Variants in GLP2R observed in about 807,000 individuals in gnomAD.
GLP2R encodes the protein glucagon like peptide 2 receptor, also known as glucagon-like peptide 2 receptor.
In GLP2R, 59 loss-of-function variants were observed where a neutral mutation model predicts 68.2. The observed-to-expected ratio is 0.87, with a 90% CI of 0.70 to 1.07. GLP2R has a LOEUF of 1.07. Among genes scored for constraint, GLP2R ranks in the 50% least tolerant of loss-of-function variants. The pLI is 0.00. For synonymous variants in GLP2R, 270 were observed against 265.4 expected (o/e 1.02, Z -0.17); for missense variants, 548 against 677.4 (o/e 0.81, Z 2.12).
At chr17:9,870,002 T>C (rs552890960) in intron 9 of GLP2R, among the ~76,000 whole-genome samples, 1 of 152,316 alleles carries the variant, frequency 6.6e-6, no homozygotes, top group South Asian at 2.1e-4. Flanking sequence ...AGTCGTGGAA[T>C]GTATTCTAGG....
Position 9,846,936 on chromosome 17 carries a change from C to T in GLP2R, c.504+4320C>T, listed in dbSNP as rs58551965. 6.9e-3 allele frequency among the ~76,000 whole-genome samples: 1,057 copies of T among 152,298 alleles called. 5 individuals carry two copies. The highest frequency in any genetic ancestry group is 0.024 in the African/African-American group (994 of 41,562). On this transcript the variant is annotated intron_variant, in intron 4 of 12. Coordinates refer to ENST00000262441, the MANE Select transcript of GLP2R (RefSeq NM_004246.3). ...ACCAAGATTTGTTTGTTCTGGTTGTCAATACCAGTGGTGTAGGTGTGTTAG... is the reference window on the plus strand; with the variant it reads ...ACCAAGATTTGTTTGTTCTGGTTGTTAATACCAGTGGTGTAGGTGTGTTAG...
At chr17:9,873,582 C>CTTTTTTTTTTTTTTTTTTTTT (rs2067117102) in intron 10 of GLP2R, among the ~76,000 whole-genome samples, 1 of 25,606 alleles carries the variant, frequency 3.9e-5, no homozygotes, top group Non-Finnish European at 6.3e-5. Context: ...TTTTTTTTAG[C>CTTTTTTTTTTTTTTTTTTTTT]TCATCAGCTA....
At chr17:9,847,811 C>T (rs2066855146) in intron 4 of GLP2R, among the ~76,000 whole-genome samples, 1 of 152,188 alleles carries the variant, frequency 6.6e-6, no homozygotes, top group African/African-American at 2.4e-5. Flanking sequence ...TCTGTTCCTT[C>T]AGAGCCTCGT....
At chr17:9,856,737 C>A (rs2066936762) in intron 5 of GLP2R, among the ~76,000 whole-genome samples, 1 of 152,206 alleles carries the variant, frequency 6.6e-6, no homozygotes. Context: ...AACTCTGCGA[C>A]TTACTGCTCT....
At chr17:9,864,193 A>G (rs546428625) in intron 9 of GLP2R, among the ~76,000 whole-genome samples, 1 of 152,188 alleles carries the variant, frequency 6.6e-6, no homozygotes, top group Non-Finnish European at 1.5e-5. Flanking sequence ...GCATGTTGCT[A>G]CAACCTTGCT....
intron 5 of GLP2R, among the ~76,000 whole-genome samples, chr17:9,857,113 G>A (rs1234421033): frequency 2.0e-5 from 3 of 152,060 alleles, no homozygotes; most frequent in Non-Finnish European, 2.9e-5. Context: ...GTAGAGGTGG[G>A]GTTTCACCAT....
At chr17:9,851,545 T>C (rs2152036909) in intron 4 of GLP2R, among the ~76,000 whole-genome samples, 1 of 152,070 alleles carries the variant, frequency 6.6e-6, no homozygotes, top group East Asian at 1.9e-4. Context: ...ACAAGCACAG[T>C]TGGAGACTGA....
chr17:9,853,308 T>C, intron 4 of GLP2R: 1 of 248,372 alleles, frequency 4.0e-6, no homozygotes, highest in Non-Finnish European at 8.0e-6. Flanking sequence ...GAGTCCTCCA[T>C]GGGGTGGTGG....
At chr17:9,852,940 T>C in intron 4 of GLP2R, 1 of 492,846 alleles carries the variant, frequency 2.0e-6, no homozygotes, top group Non-Finnish European at 3.9e-6. Flanking sequence ...CTCCTCTTCA[T>C]CTTCTGACTC....
At chr17:9,855,657 T>C (rs2066928152) in intron 5 of GLP2R, among the ~76,000 whole-genome samples, 1 of 152,228 alleles carries the variant, frequency 6.6e-6, no homozygotes, top group Non-Finnish European at 1.5e-5. Context: ...CATCCCTAAT[T>C]CAAATTAGGA....
At chr17:9,842,458 G>T (rs749430872) in intron 3 of GLP2R, 37 bp from the exon 4 acceptor site, 6 of 1,613,312 alleles carry the variant, frequency 3.7e-6, no homozygotes, top group Non-Finnish European at 5.1e-6. Flanking sequence ...CGGGCTGTGT[G>T]TTCTGACCTT....
Position 9,887,990 on chromosome 17 carries a change from GC to G in GLP2R, c.1326+19del. 6.3e-7 allele frequency: 1 copy of G among 1,595,684 alleles called. No homozygotes were observed. The highest frequency in any genetic ancestry group is 8.6e-7 in the Non-Finnish European group (1 of 1,163,084). On this transcript the variant is annotated intron_variant, in intron 12 of 12. Transcript: ENST00000262441. ...AATGGAGAGGTATGATTTCCACGTT[GC>G]CATCCTGGTTTCATGTGAGGTTGGG...
At chr17:9,859,335 T>C (rs2066962968) in intron 6 of GLP2R, among the ~76,000 whole-genome samples, 1 of 152,150 alleles carries the variant, frequency 6.6e-6, no homozygotes, top group African/African-American at 2.4e-5. Flanking sequence ...ATTAGGGCAG[T>C]TGCTGATGGT....
intron 10 of GLP2R, among the ~76,000 whole-genome samples, chr17:9,873,326 C>T (rs577867513): frequency 2.8e-4 from 43 of 152,262 alleles, no homozygotes; most frequent in Middle Eastern, 3.4e-3. Context: ...CCACTGGCAC[C>T]TTCGCCATGC....
chr17:9,830,467 A>T (rs949228217), intron 1 of GLP2R, among the ~76,000 whole-genome samples: 4 of 152,268 alleles, frequency 2.6e-5, no homozygotes, highest in African/African-American at 7.2e-5. Flanking sequence ...TTAATAACTT[A>T]CATGCTTCCT....
chr17:9,842,839 C>T (rs868047413), intron 4 of GLP2R, among the ~76,000 whole-genome samples: 2 of 152,216 alleles, frequency 1.3e-5, no homozygotes, highest in Non-Finnish European at 2.9e-5. Context: ...AGTCAGTCTT[C>T]CAGGATTGAT....
intron 4 of GLP2R, among the ~76,000 whole-genome samples, chr17:9,843,534 G>A (rs2066808035): frequency 2.0e-5 from 3 of 152,190 alleles, no homozygotes; most frequent in African/African-American, 7.2e-5. Flanking sequence ...CACAGTAACT[G>A]GTCCGCAAGT....
intron 4 of GLP2R, among the ~76,000 whole-genome samples, chr17:9,843,295 G>A (rs2066805802): frequency 6.6e-6 from 1 of 152,230 alleles, no homozygotes; most frequent in South Asian, 2.1e-4. Context: ...CATGCTCAGA[G>A]GAACAGTCTG....
intron 9 of GLP2R, among the ~76,000 whole-genome samples, chr17:9,862,567 C>A (rs537181550): frequency 7.9e-5 from 12 of 152,188 alleles, no homozygotes; most frequent in African/African-American, 2.2e-4. Context: ...TACTCTGAGA[C>A]CTTAGGGAGG....
Sources: allele counts gnomAD v4.1 joint callset (sites outside exome capture counted in the v4.1 genomes callset), GRCh38; gene constraint gnomAD v4.1.1; transcripts MANE v1.5; gene names NCBI Gene and HGNC (gene_info 2026-07-23, HGNC 2026-07-21).